The following CTNND2 variants were observed in gnomAD, a reference collection of about 807,000 sequenced individuals.
CTNND2 encodes catenin delta-2.
Under a neutral mutation model 144.4 loss-of-function variants are expected in CTNND2, and 22 were observed. That is an observed-to-expected ratio of 0.15 (90% CI 0.11 to 0.22). CTNND2 has a LOEUF of 0.22. CTNND2 is among the 10% of genes least tolerant of loss of function. The pLI is 1.00. For missense variants in CTNND2, 1,353 were observed against 1,618.8 expected (o/e 0.84, Z 2.82); for synonymous variants, 751 against 695.6 (o/e 1.08, Z -1.25).
chr5:11,492,280 C>A (rs28110), intron 3 of CTNND2, among the ~76,000 whole-genome samples: 54,621 of 152,054 alleles, frequency 0.36, 10,415 homozygotes, highest in South Asian at 0.44. Context: ...GGCAAAGGAG[C>A]TTTTAGACTG....
intron 4 of CTNND2, 26 bp from the exon 5 acceptor site, chr5:11,411,678 GA>G: frequency 7.7e-7 from 1 of 1,302,518 alleles, no homozygotes; most frequent in Non-Finnish European, 1.1e-6. Flanking sequence ...TTAAAGTGAT[GA>G]ACAAACACAT....
intron 1 of CTNND2, among the ~76,000 whole-genome samples, chr5:11,775,102 T>G (rs543133185): frequency 6.6e-6 from 1 of 152,124 alleles, no homozygotes; most frequent in Non-Finnish European, 1.5e-5. Context: ...AACCACCTCT[T>G]TCAAAAGGCT....
chr5:11,595,951 T>G (rs546870383), intron 2 of CTNND2, among the ~76,000 whole-genome samples: 1 of 152,224 alleles, frequency 6.6e-6, no homozygotes, highest in Non-Finnish European at 1.5e-5. Context: ...TATATATTCT[T>G]TCCAAATAAT....
chr5:11,689,236 T>C (rs1784788557), intron 2 of CTNND2, among the ~76,000 whole-genome samples: 1 of 152,214 alleles, frequency 6.6e-6, no homozygotes, highest in African/African-American at 2.4e-5. Context: ...TTTTCTTACT[T>C]CTGGGATCTG....
At chr5:11,658,320 G>A (rs1783018211) in intron 2 of CTNND2, among the ~76,000 whole-genome samples, 1 of 151,972 alleles carries the variant, frequency 6.6e-6, no homozygotes, top group Admixed American at 6.6e-5. Flanking sequence ...TCACAGGTGA[G>A]GAAAATATAA....
chr5:11,519,393 T>C (rs1242927428), intron 3 of CTNND2, among the ~76,000 whole-genome samples: 2 of 152,160 alleles, frequency 1.3e-5, no homozygotes, highest in African/African-American at 4.8e-5. Flanking sequence ...TGATTCATCT[T>C]ACACATCTTC....
At chr5:11,076,149 T>G (rs1431301378) in intron 16 of CTNND2, among the ~76,000 whole-genome samples, 1 of 152,170 alleles carries the variant, frequency 6.6e-6, no homozygotes, top group Non-Finnish European at 1.5e-5. Flanking sequence ...AGGATAAAAT[T>G]ACACAATGGA....
intron 15 of CTNND2, among the ~76,000 whole-genome samples, chr5:11,086,805 T>G (rs1225289905): frequency 6.6e-6 from 1 of 152,204 alleles, no homozygotes; most frequent in African/African-American, 2.4e-5. Context: ...TTCCAAAAAG[T>G]TCCCCCTTGC....
intron 1 of CTNND2, among the ~76,000 whole-genome samples, chr5:11,835,932 C>T (rs1192564041): frequency 6.6e-6 from 1 of 152,052 alleles, no homozygotes; most frequent in Non-Finnish European, 1.5e-5. Flanking sequence ...GACCTGTCCC[C>T]TTTTTTAATG....
intron 3 of CTNND2, among the ~76,000 whole-genome samples, chr5:11,529,574 A>G (rs1773557357): frequency 6.6e-6 from 1 of 152,264 alleles, no homozygotes. Context: ...AATCAAATAA[A>G]GCTTAGTTTG....
At chr5:11,714,060 G>A (rs1786202069) in intron 2 of CTNND2, among the ~76,000 whole-genome samples, 1 of 152,162 alleles carries the variant, frequency 6.6e-6, no homozygotes, top group Admixed American at 6.5e-5. Flanking sequence ...TGTTACACGG[G>A]GAGTATATGT....
chr5:11,367,126 C>T (rs1757059389), intron 7 of CTNND2, among the ~76,000 whole-genome samples: 1 of 152,172 alleles, frequency 6.6e-6, no homozygotes, highest in Non-Finnish European at 1.5e-5. Flanking sequence ...TGTGTAAATG[C>T]TTGTGCAAAA....
chr5:11,649,550 C>T (rs1286155127), intron 2 of CTNND2, among the ~76,000 whole-genome samples: 9 of 152,034 alleles, frequency 5.9e-5, no homozygotes, highest in Admixed American at 2.0e-4. Flanking sequence ...CAACTGACCT[C>T]GTGATCCACC....
rs372509832 is a variant in CTNND2 at position 11,397,167 on chromosome 5, T to C, written c.476A>G (p.Asn159Ser). The change falls in exon 6 of 22, where the codon AAT (asparagine) becomes AGT (serine). Residue 159 changes from asparagine (N) to serine (S), a missense_variant. Physicochemically the swap from Asn to Ser is conservative, Grantham distance 46. Around this residue, in one of 4 missense-constraint regions of CTNND2, gnomAD observed 708 missense variants for 706.4 expected, o/e 1.00. Coordinates refer to ENST00000304623, the MANE Select transcript of CTNND2 (RefSeq NM_001332.4). ...SLLSQSALQL[N>S]SKPEGSFQYP... ...CTGGAAAGACCCTTCAGGTTTGGAA[T>C]TGAGCTGAAGTGCACTCTGGGAGAG... 5.0e-6 allele frequency: 8 copies of C among 1,614,114 alleles called. No individual in the cohort carries two copies. The highest frequency in any genetic ancestry group is 1.7e-5 in the Admixed American group (1 of 60,008).
intron 1 of CTNND2, among the ~76,000 whole-genome samples, chr5:11,832,392 T>C (rs369372146): frequency 7.9e-5 from 12 of 151,736 alleles, no homozygotes; most frequent in African/African-American, 2.9e-4. Context: ...AAAGCACTTA[T>C]CTAATAAAAG....
chr5:11,782,067 CAT>C (rs1252936480), intron 1 of CTNND2, among the ~76,000 whole-genome samples: 1 of 152,180 alleles, frequency 6.6e-6, no homozygotes, highest in Non-Finnish European at 1.5e-5. Flanking sequence ...GTGATAGTCA[CAT>C]GAGAGCTGAT....
intron 2 of CTNND2, among the ~76,000 whole-genome samples, chr5:11,600,762 A>C (rs1274065136): frequency 1.3e-5 from 2 of 151,536 alleles, no homozygotes; most frequent in African/African-American, 4.8e-5. Context: ...TTTCAAAATT[A>C]TTGGGCAGAA....
In CTNND2 at chr5:10,973,125, T is replaced by C. The variant is rs3734130; in HGVS notation, c.*328A>G. On this transcript the variant is annotated 3_prime_UTR_variant, in exon 22 of 22. Coordinates refer to ENST00000304623, the MANE Select transcript of CTNND2 (RefSeq NM_001332.4). This position sits in a 1 kb window ranked among gnomAD's most constrained non-coding sequence, Gnocchi z 5.6. ...GTGTCTTGTGCTTAACGATAACCCTTACGCCCCACCGGCCCGAATGCCTCG... is the reference window on the plus strand; with the variant it reads ...GTGTCTTGTGCTTAACGATAACCCTCACGCCCCACCGGCCCGAATGCCTCG... The C allele has an allele frequency of 0.017, 3,798 of 223,016 alleles. 65 individuals are homozygous for C. Among genetic ancestry groups the C allele is most frequent in the Non-Finnish European group, 0.019 (2,181 of 113,700 alleles). The allele number at this position is 223,016 out of a possible 1,614,324, so 13.8% of individuals were successfully genotyped here.
At chr5:11,135,113 T>C (rs891944840) in intron 12 of CTNND2, among the ~76,000 whole-genome samples, 5 of 152,106 alleles carry the variant, frequency 3.3e-5, no homozygotes, top group Non-Finnish European at 7.3e-5. Flanking sequence ...TTAACCAGCT[T>C]GGTGGCCACC....
Sources: allele counts gnomAD v4.1 joint callset (sites outside exome capture counted in the v4.1 genomes callset), GRCh38; gene constraint gnomAD v4.1.1; regional missense constraint gnomAD v4.1.1; non-coding constraint Gnocchi (gnomAD v3.1); transcripts MANE v1.5; gene names NCBI Gene and HGNC (gene_info 2026-07-23, HGNC 2026-07-21).